C9orf85: variants seen among roughly 807,000 people sequenced by gnomAD.
C9orf85 encodes the protein chromosome 9 open reading frame 85.
Under a neutral mutation model 14.9 loss-of-function variants are expected in C9orf85, and 16 were observed. The observed-to-expected ratio is 1.08, with a 90% CI of 0.73 to 1.63. C9orf85 has a LOEUF of 1.63. Among genes scored for constraint, C9orf85 ranks in the 40% most tolerant of loss-of-function variants. The pLI is 0.00. For synonymous variants in C9orf85, 45 were observed against 56.8 expected (o/e 0.79, Z 0.93); for missense variants, 172 against 186.1 (o/e 0.92, Z 0.44).
chr9:71,957,817 C>T (rs1467114158), intron 2 of C9orf85, among the ~76,000 whole-genome samples: 4 of 152,100 alleles, frequency 2.6e-5, no homozygotes, highest in African/African-American at 7.2e-5. Context: ...CACCATGAGC[C>T]ATGATACAGC....
intron 1 of C9orf85, chr9:71,912,049 C>CA (rs1334532081): frequency 1.9e-6 from 1 of 518,216 alleles, no homozygotes; most frequent in African/African-American, 2.9e-5. Context: ...ATGGTCAGCA[C>CA]ACTTAACTAA....
At chr9:71,940,120 G>T (rs1828291718) in intron 1 of C9orf85, among the ~76,000 whole-genome samples, 1 of 152,032 alleles carries the variant, frequency 6.6e-6, no homozygotes, top group African/African-American at 2.4e-5. Context: ...ATGAAAGCAT[G>T]GATTGGGAGA....
At chr9:71,932,811 C>T (rs2132278305) in intron 1 of C9orf85, among the ~76,000 whole-genome samples, 1 of 152,128 alleles carries the variant, frequency 6.6e-6, no homozygotes, top group Admixed American at 6.5e-5. Context: ...GATGGTGGAT[C>T]TATTAGAACT....
intron 1 of C9orf85, among the ~76,000 whole-genome samples, chr9:71,915,249 T>C (rs1461165405): frequency 1.3e-5 from 2 of 151,616 alleles, no homozygotes; most frequent in East Asian, 3.9e-4. Context: ...TGGCGTGATA[T>C]GGATCACCAC....
At chr9:71,979,029 G>A (rs1168693787) in intron 3 of C9orf85, among the ~76,000 whole-genome samples, 1 of 149,282 alleles carries the variant, frequency 6.7e-6, no homozygotes, top group African/African-American at 2.4e-5. Flanking sequence ...GTGAGACTCC[G>A]TCTCAAGAAA....
intron 1 of C9orf85, among the ~76,000 whole-genome samples, chr9:71,942,312 C>T (rs918829782): frequency 5.3e-5 from 8 of 152,216 alleles, no homozygotes; most frequent in African/African-American, 1.9e-4. Flanking sequence ...AAACTTTGCA[C>T]TTCAGTAACA....
chr9:71,943,850 C>A (rs1239715490), intron 1 of C9orf85, among the ~76,000 whole-genome samples: 1 of 151,576 alleles, frequency 6.6e-6, no homozygotes, highest in East Asian at 2.0e-4. Flanking sequence ...CCTTTCTCAC[C>A]CAACTTCTGT....
chr9:71,953,979 G>T (rs1254457899), intron 2 of C9orf85, among the ~76,000 whole-genome samples: 3 of 151,990 alleles, frequency 2.0e-5, no homozygotes, highest in Non-Finnish European at 4.4e-5. Context: ...GCGCACCTGT[G>T]GTCCTAGCTG....
At chr9:71,985,448 A>G (rs1468029390), downstream of C9orf85, 1 of 152,206 alleles carries the variant, frequency 6.6e-6, no homozygotes, top group Non-Finnish European at 1.5e-5. Context: ...TACCTGGGAA[A>G]CTTGTTAGAA....
rs527706380 is a variant in C9orf85 at position 71,947,633 on chromosome 9, CT to C, written c.209+533del. Among the ~76,000 whole-genome samples, 341 of 145,240 alleles carry C rather than the reference CT, an allele frequency of 2.3e-3. 3 individuals are homozygous for C. The highest frequency in any genetic ancestry group is 6.1e-3 in the African/African-American group (245 of 39,932). ...TTTCTGATCCTGCCATCCCTAAATC[CT>C]TTTTTTTTTTTCTTTCTTTCTTTTT... is the stretch of plus-strand genomic sequence containing the variant. On this transcript the variant is annotated intron_variant, in intron 2 of 3. Transcript: ENST00000334731.
chr9:71,965,631 CTA>C (rs376009578), intron 2 of C9orf85, among the ~76,000 whole-genome samples: 7 of 152,150 alleles, frequency 4.6e-5, no homozygotes, highest in African/African-American at 1.2e-4. Flanking sequence ...TGGGGTCTCT[CTA>C]TGTTGCCCAG....
chr9:71,978,371 A>C (rs988513201), downstream of C9orf85, among the ~76,000 whole-genome samples: 1 of 152,150 alleles, frequency 6.6e-6, no homozygotes, highest in African/African-American at 2.4e-5. Flanking sequence ...CAGCCTCCCA[A>C]AGTGCTGAGA....
At chr9:71,960,549 C>T (rs1374018333) in intron 2 of C9orf85, among the ~76,000 whole-genome samples, 4 of 152,040 alleles carry the variant, frequency 2.6e-5, no homozygotes, top group East Asian at 3.9e-4. Context: ...CAAAAGTAAA[C>T]AGTTACATTT....
chr9:71,955,423 A>C (rs1300032928), intron 2 of C9orf85, among the ~76,000 whole-genome samples: 1 of 152,112 alleles, frequency 6.6e-6, no homozygotes, highest in East Asian at 1.9e-4. Context: ...CATGTGCTTC[A>C]ATAACGGTTT....
chr9:71,941,300 T>G (rs926645738), intron 1 of C9orf85, among the ~76,000 whole-genome samples: 13 of 152,148 alleles, frequency 8.5e-5, no homozygotes, highest in African/African-American at 3.1e-4. Context: ...CTCCATAGAT[T>G]ATTGTAGCCG....
chr9:71,944,983 A>G (rs1164745231), intron 1 of C9orf85, among the ~76,000 whole-genome samples: 1 of 152,170 alleles, frequency 6.6e-6, no homozygotes, highest in Non-Finnish European at 1.5e-5. Flanking sequence ...AACTCTGCAC[A>G]GCTTTGTAAA....
intron 1 of C9orf85, among the ~76,000 whole-genome samples, chr9:71,940,833 A>G (rs1821909893): frequency 6.6e-6 from 1 of 152,244 alleles, no homozygotes; most frequent in Non-Finnish European, 1.5e-5. Flanking sequence ...GGTGAATTGA[A>G]TAAACATTAT....
intron 3 of C9orf85, among the ~76,000 whole-genome samples, chr9:71,982,160 G>T (rs1022245137): frequency 1.3e-5 from 2 of 151,858 alleles, no homozygotes; most frequent in African/African-American, 4.8e-5. Context: ...TGTAGTCTTT[G>T]AGTCTAGCTC....
At chr9:71,979,202 A>G (rs994451980) in intron 3 of C9orf85, among the ~76,000 whole-genome samples, 6 of 152,050 alleles carry the variant, frequency 3.9e-5, no homozygotes, top group Non-Finnish European at 7.4e-5. Flanking sequence ...AGATAAAACC[A>G]CTCTGAGGCA....
Sources: allele counts gnomAD v4.1 joint callset (sites outside exome capture counted in the v4.1 genomes callset), GRCh38; gene constraint gnomAD v4.1.1; transcripts MANE v1.5; gene names NCBI Gene and HGNC (gene_info 2026-07-23, HGNC 2026-07-21).